Variants in MAGI2 observed in about 807,000 individuals in gnomAD.
MAGI2 encodes the protein membrane-associated guanylate kinase, WW and PDZ domain-containing protein 2.
Under a neutral mutation model 133.3 loss-of-function variants are expected in MAGI2, and 35 were observed. The observed-to-expected ratio is 0.26, with a 90% confidence interval of 0.20 to 0.35. The LOEUF (loss-of-function observed/expected upper bound fraction) is 0.35. MAGI2 is among the 10% of genes least tolerant of loss of function. The pLI, the probability that MAGI2 is intolerant of heterozygous loss-of-function variation, is 1.00. For synonymous variants in MAGI2, 729 were observed against 710.6 expected (o/e 1.03, Z -0.41); for missense variants, 1,636 against 1,863.4 (o/e 0.88, Z 2.25).
intron 21 of MAGI2, among the ~76,000 whole-genome samples, chr7:78,035,896 T>A (rs1343427202): frequency 6.6e-6 from 1 of 152,244 alleles, no homozygotes; most frequent in Non-Finnish European, 1.5e-5. Context: ...TTGTTAGTAG[T>A]GCCTTCCAAA....
At chr7:78,795,582 G>T (rs948347262) in intron 2 of MAGI2, among the ~76,000 whole-genome samples, 2 of 151,984 alleles carry the variant, frequency 1.3e-5, no homozygotes, top group Admixed American at 1.3e-4. Context: ...CATGCTCATG[G>T]ATTGAAATAA....
chr7:78,825,161 G>T (rs1357021012), intron 2 of MAGI2, among the ~76,000 whole-genome samples: 1 of 152,060 alleles, frequency 6.6e-6, no homozygotes, highest in Non-Finnish European at 1.5e-5. Flanking sequence ...TAGATGACAG[G>T]TTTATAGGTG....
At chr7:79,128,296 C>T (rs1007454996) in intron 1 of MAGI2, among the ~76,000 whole-genome samples, 6 of 151,986 alleles carry the variant, frequency 3.9e-5, no homozygotes, top group African/African-American at 1.5e-4. Flanking sequence ...ATCTTCCTTA[C>T]CAGACATGTC....
Position 78,302,075 on chromosome 7 carries a change from G to A in MAGI2, c.1408+41703C>T, listed in dbSNP as rs1181687992. Among the ~76,000 whole-genome samples the A allele has an allele frequency of 2.0e-5, 3 of 152,156 alleles. No homozygotes were observed. The East Asian group carries it at 5.8e-4, about 29-fold the overall frequency. On this transcript the variant is annotated intron_variant, in intron 9 of 21. Coordinates refer to ENST00000354212, the MANE Select transcript of MAGI2 (RefSeq NM_012301.4). ...ATTTACTAGACTGTAAACCCCATCA[G>A]GGAGAACATTTATATTTTGATCATT...
intron 2 of MAGI2, among the ~76,000 whole-genome samples, chr7:78,832,495 C>A (rs561356): frequency 6.6e-6 from 1 of 151,966 alleles, no homozygotes; most frequent in Non-Finnish European, 1.5e-5. Flanking sequence ...GTTTAGGGGG[C>A]CATCTTTCAT....
chr7:79,343,214 G>A (rs1841040070), intron 1 of MAGI2: 1 of 152,058 alleles, frequency 6.6e-6, no homozygotes, highest in Non-Finnish European at 1.5e-5. Context: ...AACATATTCA[G>A]CACCTGCAAA....
At chr7:78,365,130 C>G (rs1793242975) in intron 7 of MAGI2, among the ~76,000 whole-genome samples, 1 of 151,992 alleles carries the variant, frequency 6.6e-6, no homozygotes, top group South Asian at 2.1e-4. Flanking sequence ...GATTCCCTTT[C>G]TTTCACATCT....
intron 1 of MAGI2, among the ~76,000 whole-genome samples, chr7:79,222,942 T>C (rs1830556985): frequency 6.6e-6 from 1 of 152,106 alleles, no homozygotes; most frequent in African/African-American, 2.4e-5. Flanking sequence ...TGGAGTGCAG[T>C]GGCGCTGTCT....
At chr7:79,066,426 T>A (rs1212717491) in intron 1 of MAGI2, among the ~76,000 whole-genome samples, 1 of 152,134 alleles carries the variant, frequency 6.6e-6, no homozygotes, top group African/African-American at 2.4e-5. Context: ...TTTTTTTTTC[T>A]TGTAAATTTG....
intron 2 of MAGI2, among the ~76,000 whole-genome samples, chr7:78,751,402 G>A (rs1376237830): frequency 6.6e-6 from 1 of 152,180 alleles, no homozygotes; most frequent in African/African-American, 2.4e-5. Context: ...GTTTAGAGAA[G>A]TCTTTTGACT....
At chr7:78,592,803 T>A (rs75990349) in intron 3 of MAGI2, among the ~76,000 whole-genome samples, 1 of 148,500 alleles carries the variant, frequency 6.7e-6, no homozygotes, top group African/African-American at 2.5e-5. Flanking sequence ...AGCCCTTGCA[T>A]GCCCTCCGAA....
chr7:78,816,716 T>C (rs1286698451), intron 2 of MAGI2, among the ~76,000 whole-genome samples: 1 of 152,148 alleles, frequency 6.6e-6, no homozygotes, highest in African/African-American at 2.4e-5. Context: ...AGCCCACTGT[T>C]GAGAACTACT....
intron 2 of MAGI2, among the ~76,000 whole-genome samples, chr7:78,711,635 C>A (rs1819201918): frequency 6.6e-6 from 1 of 151,956 alleles, no homozygotes; most frequent in African/African-American, 2.4e-5. Flanking sequence ...TCTCTTCTTA[C>A]CTCCTTCCTA....
chr7:79,222,634 A>G (rs552791256), intron 1 of MAGI2, among the ~76,000 whole-genome samples: 1 of 152,160 alleles, frequency 6.6e-6, no homozygotes, highest in South Asian at 2.1e-4. Flanking sequence ...CTTAACATCT[A>G]TTTAATGGCC....
intron 1 of MAGI2, among the ~76,000 whole-genome samples, chr7:79,142,875 T>C (rs1373636409): frequency 6.6e-6 from 1 of 152,122 alleles, no homozygotes; most frequent in Non-Finnish European, 1.5e-5. Flanking sequence ...ATGCGATAAA[T>C]AGGCAGCATG....
intron 2 of MAGI2, among the ~76,000 whole-genome samples, chr7:78,868,680 T>C (rs1381735183): frequency 6.6e-6 from 1 of 152,064 alleles, no homozygotes; most frequent in African/African-American, 2.4e-5. Flanking sequence ...AAATAAAATA[T>C]ATTGTCTAAC....
intron 10 of MAGI2, among the ~76,000 whole-genome samples, chr7:78,240,567 C>G (rs1057153804): frequency 1.3e-5 from 2 of 152,108 alleles, no homozygotes; most frequent in Non-Finnish European, 2.9e-5. Flanking sequence ...TGATCTTACT[C>G]ATGTGGAATC....
intron 20 of MAGI2, among the ~76,000 whole-genome samples, chr7:78,101,084 T>C (rs897565395): frequency 2.0e-5 from 3 of 152,208 alleles, no homozygotes; most frequent in South Asian, 4.1e-4. Context: ...ATATCCTGTG[T>C]TCATGGATTG....
Position 78,135,009 on chromosome 7 carries a change from T to G in MAGI2, c.3031+12A>C, listed in dbSNP as rs1407963660. 2 of 1,612,694 alleles carry G rather than the reference T, an allele frequency of 1.2e-6. 1 individual carries two copies. Among genetic ancestry groups the G allele is most frequent in the South Asian group, 2.2e-5 (2 of 90,966 alleles). On this transcript the variant is annotated intron_variant, in intron 17 of 21. Transcript: ENST00000354212. ...TTGGCCGCCTCTCTGCAAGGCTGCC[T>G]CAGGCACTCACCCTCCTGAGGAATG...
Sources: gnomAD v4.1 joint callset for allele counts (sites outside exome capture counted in the v4.1 genomes callset) on GRCh38, gnomAD v4.1.1 for gene constraint, MANE v1.5 for transcripts, NCBI Gene and HGNC (gene_info 2026-07-23, HGNC 2026-07-21) for gene names.